The following LUZP2 variants were observed in gnomAD, a reference collection of about 807,000 sequenced individuals.
LUZP2 encodes leucine zipper protein 2.
LUZP2 carries 52 observed loss-of-function variants against 51.6 expected under a neutral mutation model. The observed-to-expected ratio is 1.01, with a 90% CI of 0.81 to 1.27. The LOEUF (loss-of-function observed/expected upper bound fraction) is 1.27, where lower values mean the gene tolerates loss of function less well. Ranked by LOEUF, LUZP2 falls within the 50% of genes most tolerant of loss-of-function variation. LUZP2 has a pLI of 0.00. For missense variants in LUZP2, 436 were observed against 395.4 expected, an observed-to-expected ratio of 1.10 and a Z score of -0.87; for synonymous variants, 154 against 137.3, an observed-to-expected ratio of 1.12 and a Z score of -0.85.
At chr11:24,645,192 T>C (rs774339666) in intron 1 of LUZP2, among the ~76,000 whole-genome samples, 1 of 152,196 alleles carries the variant, frequency 6.6e-6, no homozygotes, top group African/African-American at 2.4e-5. Flanking sequence ...AAAGGAAATA[T>C]GTTTTTAAAG....
At position 24,763,243 on chromosome 11, in the gene LUZP2, C is replaced by A; in HGVS notation, c.334-3C>A. ...GTCTACATAATAGTCTATTCATTTT[C>A]AGATTAATTTTTTAAAGACTGAAGT... On this transcript the variant is annotated splice_polypyrimidine_tract_variant and splice_region_variant and intron_variant, in intron 4 of 11. Transcript: ENST00000336930. 7.5e-7 allele frequency: 1 copy of A among 1,336,830 alleles called. No homozygotes were observed. The highest frequency in any genetic ancestry group is 2.7e-5 in the East Asian group (1 of 37,550). 82.8% of individuals were successfully genotyped at this position (1,336,830 alleles called of 1,614,324 possible).
chr11:25,011,325 C>T (rs1001033580), intron 9 of LUZP2, among the ~76,000 whole-genome samples: 2 of 152,106 alleles, frequency 1.3e-5, no homozygotes, highest in African/African-American at 4.8e-5. Flanking sequence ...GTTGAGTAAA[C>T]ATATTCATTA....
intron 1 of LUZP2, among the ~76,000 whole-genome samples, chr11:24,682,264 G>A (rs1206292025): frequency 6.6e-6 from 1 of 152,008 alleles, no homozygotes; most frequent in African/African-American, 2.4e-5. Flanking sequence ...GGAGACCTAG[G>A]TGGGCAAATC....
rs545321225 is a variant in LUZP2, at chr11:24,735,497, C to T, written c.252-2724C>T. On this transcript the variant is annotated intron_variant, in intron 3 of 11. Transcript: ENST00000336930. ...GATTCCCAGAAGGCAGTTTTGGACT[C>T]GGTATACTAAAGCACTTTACAATAA... is the stretch of plus-strand genomic sequence containing the variant. Among the ~76,000 whole-genome samples, 11 of 151,894 alleles carry T rather than the reference C, an allele frequency of 7.2e-5. No individual in the cohort carries two copies. The South Asian group carries it at 2.1e-3, about 29-fold the overall frequency.
chr11:24,511,698 T>A (rs1850316551), intron 1 of LUZP2, among the ~76,000 whole-genome samples: 1 of 152,212 alleles, frequency 6.6e-6, no homozygotes, highest in Non-Finnish European at 1.5e-5. Flanking sequence ...TGATTTATAT[T>A]GTGGTTTAGA....
intron 1 of LUZP2, among the ~76,000 whole-genome samples, chr11:24,624,824 G>C (rs1854623173): frequency 1.3e-5 from 2 of 152,088 alleles, no homozygotes; most frequent in Non-Finnish European, 2.9e-5. Context: ...AAAAAGGGTA[G>C]TATTATTATA....
chr11:24,606,180 C>T (rs1353984616), intron 1 of LUZP2, among the ~76,000 whole-genome samples: 1 of 151,718 alleles, frequency 6.6e-6, no homozygotes, highest in Non-Finnish European at 1.5e-5. Flanking sequence ...CATACACACA[C>T]ACATAAAGAT....
intron 1 of LUZP2, among the ~76,000 whole-genome samples, chr11:24,724,158 C>G (rs1329278591): frequency 6.6e-6 from 1 of 152,060 alleles, no homozygotes; most frequent in East Asian, 1.9e-4. Flanking sequence ...TTTTGTTTTT[C>G]TACATGAATG....
chr11:24,501,892 T>C (rs1850005234), intron 1 of LUZP2, among the ~76,000 whole-genome samples: 1 of 152,178 alleles, frequency 6.6e-6, no homozygotes. Context: ...ATAATGCCAA[T>C]TAAGTGGTGT....
intron 4 of LUZP2, among the ~76,000 whole-genome samples, chr11:24,755,244 T>C (rs751132576): frequency 1.3e-5 from 2 of 152,210 alleles, no homozygotes; most frequent in Admixed American, 6.5e-5. Flanking sequence ...ATAATACCAA[T>C]GTACAAAGTG....
At chr11:25,026,338 G>A (rs1478060965) in intron 9 of LUZP2, among the ~76,000 whole-genome samples, 1 of 151,958 alleles carries the variant, frequency 6.6e-6, no homozygotes, top group Non-Finnish European at 1.5e-5. Flanking sequence ...GCAATCATTT[G>A]AAGTTATAAC....
At chr11:25,016,786 T>C (rs1857173038) in intron 9 of LUZP2, among the ~76,000 whole-genome samples, 1 of 152,172 alleles carries the variant, frequency 6.6e-6, no homozygotes, top group East Asian at 1.9e-4. Flanking sequence ...TGTGGGTAGA[T>C]ACACGGTAGT....
At chr11:24,901,032 A>G (rs551889504) in intron 5 of LUZP2, among the ~76,000 whole-genome samples, 1 of 152,040 alleles carries the variant, frequency 6.6e-6, no homozygotes, top group Non-Finnish European at 1.5e-5. Context: ...TTTTTCTTCC[A>G]TATGGTACTT....
intron 1 of LUZP2, among the ~76,000 whole-genome samples, chr11:24,671,722 T>C: frequency 6.6e-6 from 1 of 152,128 alleles, no homozygotes; most frequent in East Asian, 1.9e-4. Context: ...CAAGAGAATC[T>C]ATGAAGAGTC....
Position 24,653,024 on chromosome 11 carries a change from TG to T in LUZP2, c.63-76143del, listed in dbSNP as rs530744049. Among the ~76,000 whole-genome samples the T allele has an allele frequency of 2.8e-4, 43 of 152,284 alleles. 1 individual carries two copies. In the South Asian group the frequency reaches 8.1e-3, roughly 29 times the overall value. ...TTAGAATTAAGGTGCTAAGTCAGAA[TG>T]GTAGTAGTAGTGGTGGGGAACAAAA... On this transcript the variant is annotated intron_variant, in intron 1 of 11. Transcript: ENST00000336930.
intron 1 of LUZP2, among the ~76,000 whole-genome samples, chr11:24,713,095 G>T (rs1367209145): frequency 6.6e-6 from 1 of 152,138 alleles, no homozygotes; most frequent in Non-Finnish European, 1.5e-5. Context: ...GTTTGCATTA[G>T]CAGACCTTGA....
intron 1 of LUZP2, among the ~76,000 whole-genome samples, chr11:24,602,381 T>TAC (rs1354717150): frequency 2.4e-5 from 1 of 41,906 alleles, no homozygotes; most frequent in South Asian, 8.5e-4. Context: ...TGTGTATATA[T>TAC]ATATATACAC....
intron 1 of LUZP2, among the ~76,000 whole-genome samples, chr11:24,601,992 A>G (rs199849304): frequency 2.1e-4 from 15 of 69,886 alleles, no homozygotes; most frequent in East Asian, 1.8e-3. Context: ...ATATATGTGT[A>G]TATATGTATA....
At chr11:25,033,198 G>A (rs1310456021) in intron 9 of LUZP2, among the ~76,000 whole-genome samples, 1 of 152,096 alleles carries the variant, frequency 6.6e-6, no homozygotes, top group Admixed American at 6.6e-5. Flanking sequence ...CATATAAGAA[G>A]AACTTTAGCA....
Sources: gnomAD v4.1 joint callset for allele counts (sites outside exome capture counted in the v4.1 genomes callset) on GRCh38, gnomAD v4.1.1 for gene constraint, MANE v1.5 for transcripts, NCBI Gene and HGNC (gene_info 2026-07-23, HGNC 2026-07-21) for gene names.